Variants in GPHN observed in about 807,000 individuals in gnomAD.
The protein encoded by GPHN is gephyrin.
GPHN carries 17 observed loss-of-function variants against 95.5 expected under a neutral mutation model. The ratio of observed to expected loss-of-function variants is 0.18; its 90% CI spans 0.12 to 0.27. The LOEUF (loss-of-function observed/expected upper bound fraction) is 0.27. Among genes scored for constraint, GPHN ranks in the 10% least tolerant of loss-of-function variants. The pLI is 1.00. For synonymous variants in GPHN, 320 were observed against 322.5 expected (o/e 0.99, Z 0.08); for missense variants, 660 against 978.1 (o/e 0.67, Z 4.34).
At chr14:66,612,721 G>A (rs1372554452) in intron 1 of GPHN, among the ~76,000 whole-genome samples, 1 of 152,016 alleles carries the variant, frequency 6.6e-6, no homozygotes, top group Non-Finnish European at 1.5e-5. Flanking sequence ...CCTCTTTCCA[G>A]TCAGTCTTCC....
chr14:67,539,426 A>G, the GPHN span, among the ~76,000 whole-genome samples: 1 of 152,140 alleles, frequency 6.6e-6, no homozygotes, highest in Non-Finnish European at 1.5e-5. Flanking sequence ...CCAAGAAGCG[A>G]GCTTACTCGG....
At chr14:67,165,598 G>C (rs1415041191) in intron 20 of GPHN, among the ~76,000 whole-genome samples, 2 of 152,174 alleles carry the variant, frequency 1.3e-5, no homozygotes, top group Non-Finnish European at 2.9e-5. Flanking sequence ...CTCATAACCA[G>C]AAGTATTGTG....
At chr14:66,648,637 T>C (rs2064881054) in intron 1 of GPHN, among the ~76,000 whole-genome samples, 1 of 152,130 alleles carries the variant, frequency 6.6e-6, no homozygotes, top group Non-Finnish European at 1.5e-5. Flanking sequence ...ACTATTTAGA[T>C]TTGTGTAAGA....
chr14:67,379,589 A>G, the GPHN span, among the ~76,000 whole-genome samples: 1 of 151,026 alleles, frequency 6.6e-6, no homozygotes, highest in African/African-American at 2.4e-5. Context: ...CCCCTTGCTT[A>G]TTAAGCCTGA....
At chr14:67,650,988 GAATACTA>G in the GPHN span, 1 of 1,462,712 alleles carries the variant, frequency 6.8e-7, no homozygotes, top group South Asian at 1.2e-5. Flanking sequence ...GGGGATAGAT[GAATACTA>G]AATGGTTGTC....
chr14:66,932,462 T>TTTTTG (rs2066870931), intron 8 of GPHN, among the ~76,000 whole-genome samples: 1 of 131,262 alleles, frequency 7.6e-6, no homozygotes, highest in Non-Finnish European at 1.6e-5. Flanking sequence ...TTTTTTTTTT[T>TTTTTG]TTTTTTTTTT....
At chr14:67,682,109 G>A in the GPHN span, among the ~76,000 whole-genome samples, 1 of 152,090 alleles carries the variant, frequency 6.6e-6, no homozygotes, top group Non-Finnish European at 1.5e-5. Context: ...GGAACCATGA[G>A]CTAAGTAAAT....
chr14:66,597,236 G>T (rs1166683237), intron 1 of GPHN, among the ~76,000 whole-genome samples: 3 of 152,044 alleles, frequency 2.0e-5, no homozygotes, highest in African/African-American at 7.2e-5. Flanking sequence ...AAAACAAAGG[G>T]GTAAGGACAG....
At chr14:67,492,046 C>T in the GPHN span, among the ~76,000 whole-genome samples, 1 of 152,208 alleles carries the variant, frequency 6.6e-6, no homozygotes, top group Non-Finnish European at 1.5e-5. Context: ...TCTTCTGTCT[C>T]ACTTGGAGGC....
At position 66,824,507 on chromosome 14, in the gene GPHN, C is replaced by G. The variant is rs776698316; in HGVS notation, c.235C>G (p.Leu79Val). 1 of 1,595,656 alleles carries G rather than the reference C, an allele frequency of 6.3e-7. No individual in the cohort carries two copies. The highest frequency in any genetic ancestry group is 1.7e-5 in the Admixed American group (1 of 59,990). ...TLIDWCDEKE[L>V]NLILTTGGTG... The stretch of plus-strand genomic sequence containing the variant: ...GATAGATTGGTGTGATGAAAAGGAA[C>G]TTAATTTGATATTAACAACTGGAGG... Residue 79 changes from leucine to valine, a missense_variant, in exon 4 of 23, where the codon CTT becomes GTT. By Grantham distance (32) the Leu-to-Val change is conservative. Coordinates refer to ENST00000478722, the MANE Select transcript of GPHN (RefSeq NM_020806.5).
At chr14:67,123,365 T>A (rs1045070756) in intron 17 of GPHN, among the ~76,000 whole-genome samples, 8 of 152,238 alleles carry the variant, frequency 5.3e-5, no homozygotes, top group Admixed American at 6.5e-5. Flanking sequence ...AGGCTCACAC[T>A]GGACATAGTC....
At chr14:67,583,985 C>T in the GPHN span, 1 of 1,613,974 alleles carries the variant, frequency 6.2e-7, no homozygotes, top group Admixed American at 1.7e-5. Flanking sequence ...TCTCCATCTG[C>T]CCACACCAGG....
the GPHN span, chr14:67,692,522 T>A: frequency 6.2e-7 from 1 of 1,613,576 alleles, no homozygotes. Flanking sequence ...TGGTTCCCTG[T>A]CGTGGTCTGG....
chr14:67,427,916 G>A, the GPHN span, among the ~76,000 whole-genome samples: 1 of 138,006 alleles, frequency 7.2e-6, no homozygotes, highest in Non-Finnish European at 1.5e-5. Context: ...ACAGGAGCTC[G>A]ACAATGCCCT....
the GPHN span, among the ~76,000 whole-genome samples, chr14:67,356,686 T>A: frequency 4.1e-3 from 617 of 152,314 alleles, 18 homozygotes; most frequent in East Asian, 0.059. Flanking sequence ...ATGCTCAAAC[T>A]AAGGCTCCAA....
chr14:67,484,932 G>C, the GPHN span, among the ~76,000 whole-genome samples: 1 of 152,032 alleles, frequency 6.6e-6, no homozygotes, highest in South Asian at 2.1e-4. Context: ...TATAGCCTCT[G>C]TGCTCATTAT....
chr14:67,653,819 G>A, the GPHN span, among the ~76,000 whole-genome samples: 8 of 152,246 alleles, frequency 5.3e-5, no homozygotes, highest in Non-Finnish European at 1.2e-4. Context: ...GCCAGTGACT[G>A]TAGAGCAACT....
the GPHN span, chr14:67,562,385 G>T: frequency 6.2e-7 from 1 of 1,613,652 alleles, no homozygotes; most frequent in Non-Finnish European, 8.5e-7. Context: ...AACAGTAGAG[G>T]CCAAGCCCCT....
chr14:67,091,363 C>T (rs1260000153), intron 12 of GPHN, among the ~76,000 whole-genome samples: 1 of 151,656 alleles, frequency 6.6e-6, no homozygotes, highest in African/African-American at 2.4e-5. Flanking sequence ...CTTGTGATAG[C>T]TTCACTGGCT....
Sources: gnomAD v4.1 joint callset for allele counts (sites outside exome capture counted in the v4.1 genomes callset) on GRCh38, gnomAD v4.1.1 for gene constraint, MANE v1.5 for transcripts, NCBI Gene and HGNC (gene_info 2026-07-23, HGNC 2026-07-21) for gene names.